CAMTA1: variants seen among roughly 807,000 people sequenced by gnomAD.
The protein encoded by CAMTA1 is calmodulin binding transcription activator 1.
In CAMTA1, 27 loss-of-function variants were observed where a neutral mutation model predicts 170.9. That is an observed-to-expected ratio of 0.16 (90% CI 0.12 to 0.22). The LOEUF (loss-of-function observed/expected upper bound fraction) is 0.22, where lower values mean the gene tolerates loss of function less well. Ranked by LOEUF, CAMTA1 falls within the 10% of genes least tolerant of loss-of-function variation. CAMTA1 has a pLI of 1.00. For missense variants in CAMTA1, 1,619 were observed against 2,217.2 expected (o/e 0.73, Z 5.42); for synonymous variants, 833 against 891.5 (o/e 0.93, Z 1.17).
intron 3 of CAMTA1, among the ~76,000 whole-genome samples, chr1:6,891,681 A>G (rs1674519634): frequency 6.6e-6 from 1 of 152,182 alleles, no homozygotes; most frequent in Non-Finnish European, 1.5e-5. Context: ...AACAAAACAA[A>G]AAGTTTTTTA....
intron 3 of CAMTA1, among the ~76,000 whole-genome samples, chr1:7,015,914 G>A (rs1700465227): frequency 6.6e-6 from 1 of 152,200 alleles, no homozygotes; most frequent in South Asian, 2.1e-4. Flanking sequence ...GGAAGAGGGT[G>A]AAGGGACAGG....
chr1:7,705,110 G>A lies in CAMTA1; in HGVS notation c.2915-27338G>A, dbSNP rs2096497386. 3.9e-5 allele frequency among the ~76,000 whole-genome samples: 6 copies of A among 151,932 alleles called. No individual in the cohort carries two copies. The South Asian group carries it at 1.2e-3, about 31-fold the overall frequency. ...GACCGGGCGTGTTTACGCGCGGCAGGGAGGGGCCACGAGGGTGCGCGCGTT... is the reference window on the plus strand; with the variant it reads ...GACCGGGCGTGTTTACGCGCGGCAGAGAGGGGCCACGAGGGTGCGCGCGTT... On this transcript the variant is annotated intron_variant, in intron 11 of 22. Coordinates refer to ENST00000303635, the MANE Select transcript of CAMTA1 (RefSeq NM_015215.4).
chr1:7,350,653 GGAC>G (rs2084598019), intron 5 of CAMTA1, among the ~76,000 whole-genome samples: 1 of 152,074 alleles, frequency 6.6e-6, no homozygotes, highest in Non-Finnish European at 1.5e-5. Context: ...CTGTCTGCCA[GGAC>G]TTCTAACTTC....
chr1:7,252,240 T>C (rs1666745998), intron 5 of CAMTA1, among the ~76,000 whole-genome samples: 1 of 152,230 alleles, frequency 6.6e-6, no homozygotes, highest in Admixed American at 6.5e-5. Flanking sequence ...CGATTACAGT[T>C]TTCCCCACAT....
At chr1:6,981,522 T>A (rs1202322524) in intron 3 of CAMTA1, among the ~76,000 whole-genome samples, 1 of 152,128 alleles carries the variant, frequency 6.6e-6, no homozygotes, top group Admixed American at 6.5e-5. Context: ...AGCCTTAACC[T>A]CCTGGGCTCA....
At chr1:7,567,838 G>T (rs183560108) in intron 6 of CAMTA1, among the ~76,000 whole-genome samples, 1 of 152,128 alleles carries the variant, frequency 6.6e-6, no homozygotes, top group African/African-American at 2.4e-5. Context: ...AGAAAACTCC[G>T]GTCCCAAACA....
At chr1:7,556,545 G>T (rs1055423679) in intron 6 of CAMTA1, among the ~76,000 whole-genome samples, 1 of 152,112 alleles carries the variant, frequency 6.6e-6, no homozygotes, top group Non-Finnish European at 1.5e-5. Context: ...CCATGCACAC[G>T]CACATCACCT....
At position 6,790,375 on chromosome 1, in the gene CAMTA1, A is replaced by AGTGT. The variant is rs370868840; in HGVS notation, c.45+4831_45+4834dup. 6.5e-3 allele frequency among the ~76,000 whole-genome samples: 898 copies of AGTGT among 139,118 alleles called. 5 individuals carry two copies. Among genetic ancestry groups the AGTGT allele is most frequent in the Middle Eastern group, 0.011 (3 of 276 alleles). 91.3% of individuals were successfully genotyped at this position (139,118 alleles called of 152,430 possible). A position where few individuals can be genotyped will look rare whatever the true frequency, so the allele number is the denominator to read the frequency against. Reference sequence around the variant, plus strand: ...CAGAGTGTGAGAGAGAGAGAGAGAGAGTGTGTGTGTGTGTGTGTGTGTGTG... The same window carrying AGTGT: ...CAGAGTGTGAGAGAGAGAGAGAGAGAGTGTGTGTGTGTGTGTGTGTGTGTGTGTG... On this transcript the variant is annotated intron_variant, in intron 1 of 22. Transcript: ENST00000303635.
At position 7,249,105 on chromosome 1, in the gene CAMTA1, A is replaced by G. The variant is rs1201665914; in HGVS notation, c.303-386A>G. On this transcript the variant is annotated intron_variant, in intron 4 of 22. Coordinates refer to ENST00000303635, the MANE Select transcript of CAMTA1 (RefSeq NM_015215.4). This position sits in a 1 kb window ranked among gnomAD's most constrained non-coding sequence, Gnocchi z 4.4. ...GTGATGGATTAAAAGATGTGTAGAAAATCCTTCCACAAGAGATAAGATATT... is the reference window on the plus strand; with the variant it reads ...GTGATGGATTAAAAGATGTGTAGAAGATCCTTCCACAAGAGATAAGATATT... Among the ~76,000 whole-genome samples the G allele has an allele frequency of 2.0e-5, 3 of 152,136 alleles. No homozygotes were observed. The highest frequency in any genetic ancestry group is 7.2e-5 in the African/African-American group (3 of 41,410).
chr1:7,206,759 C>T lies in CAMTA1; in HGVS notation c.303-42732C>T, dbSNP rs116785839. Among the ~76,000 whole-genome samples, 1,274 of 152,348 alleles carry T rather than the reference C, an allele frequency of 8.4e-3. 19 individuals are homozygous for T. Among genetic ancestry groups the T allele is most frequent in the African/African-American group, 0.029 (1,202 of 41,576 alleles). ...TAATGTGGGAGCCTCTGTTGCTTCA[C>T]ATTTTTACCAACATTAGCTATTGTC... On this transcript the variant is annotated intron_variant, in intron 4 of 22. Transcript: ENST00000303635.
intron 5 of CAMTA1, among the ~76,000 whole-genome samples, chr1:7,440,241 C>T (rs187712355): frequency 6.6e-6 from 1 of 152,268 alleles, no homozygotes; most frequent in Admixed American, 6.5e-5. Context: ...GGAGCCGATG[C>T]GGCTTCAATC....
chr1:7,207,596 C>T (rs577072178), intron 4 of CAMTA1, among the ~76,000 whole-genome samples: 1 of 152,282 alleles, frequency 6.6e-6, no homozygotes, highest in African/African-American at 2.4e-5. Context: ...CTAGGATCAA[C>T]CCTATTTCTA....
intron 11 of CAMTA1, among the ~76,000 whole-genome samples, chr1:7,678,223 T>C (rs1235608218): frequency 2.0e-5 from 3 of 152,156 alleles, no homozygotes; most frequent in African/African-American, 7.2e-5. Context: ...TCTTTCGAAT[T>C]TGGGGGCTTG....
intron 9 of CAMTA1, among the ~76,000 whole-genome samples, chr1:7,670,694 G>C (rs1239151235): frequency 6.6e-6 from 1 of 152,204 alleles, no homozygotes; most frequent in African/African-American, 2.4e-5. Context: ...GAGGGGCTGG[G>C]GAAGGAGCGC....
At chr1:6,958,869 T>G (rs976175556) in intron 3 of CAMTA1, among the ~76,000 whole-genome samples, 1 of 152,184 alleles carries the variant, frequency 6.6e-6, no homozygotes, top group Non-Finnish European at 1.5e-5. Flanking sequence ...ATAGTAAAAT[T>G]AAGCAGTTAT....
intron 6 of CAMTA1, among the ~76,000 whole-genome samples, chr1:7,637,170 T>C (rs1175571342): frequency 1.3e-5 from 2 of 152,260 alleles, no homozygotes; most frequent in African/African-American, 2.4e-5. Flanking sequence ...CACAAGACCC[T>C]GTCTGCCTGC....
chr1:7,586,762 G>A (rs558068197), intron 6 of CAMTA1, among the ~76,000 whole-genome samples: 1 of 152,244 alleles, frequency 6.6e-6, no homozygotes, highest in Admixed American at 6.5e-5. Flanking sequence ...GCCCTGAGAT[G>A]TGACCAGGAA....
intron 6 of CAMTA1, among the ~76,000 whole-genome samples, chr1:7,500,319 CGA>C: frequency 2.4e-5 from 1 of 41,364 alleles, no homozygotes; most frequent in South Asian, 8.6e-4. Context: ...TGTCCGTGAG[CGA>C]GTGTGTAGAG....
chr1:6,997,240 C>G (rs1043102244), intron 3 of CAMTA1, among the ~76,000 whole-genome samples: 3 of 151,470 alleles, frequency 2.0e-5, no homozygotes, highest in Non-Finnish European at 4.4e-5. Context: ...CTAATAAATT[C>G]CTTCATCTTT....
Sources: gnomAD v4.1 joint callset for allele counts (sites outside exome capture counted in the v4.1 genomes callset) on GRCh38, gnomAD v4.1.1 for gene constraint, Gnocchi (gnomAD v3.1) non-coding constraint, MANE v1.5 for transcripts, NCBI Gene and HGNC (gene_info 2026-07-23, HGNC 2026-07-21) for gene names.